ABCA3: variants seen among roughly 807,000 people sequenced by gnomAD.
ABCA3 encodes the protein phospholipid-transporting ATPase ABCA3.
In ABCA3, 88 loss-of-function variants were observed where a neutral mutation model predicts 172.8. The ratio of observed to expected loss-of-function variants is 0.51; its 90% confidence interval spans 0.43 to 0.61. The LOEUF (loss-of-function observed/expected upper bound fraction) is 0.61, where lower values mean the gene tolerates loss of function less well. Ranked by LOEUF, ABCA3 falls within the 20% of genes least tolerant of loss-of-function variation. ABCA3 has a pLI of 0.00. For missense variants in ABCA3, 2,164 were observed against 2,301.0 expected, an observed-to-expected ratio of 0.94 and a Z score of 1.22; for synonymous variants, 1,066 against 983.8, an observed-to-expected ratio of 1.08 and a Z score of -1.56.
rs11647731 is a variant in ABCA3 at position 2,298,819 on chromosome 16, G to A, written c.1742-279C>T. On this transcript the variant is annotated intron_variant, in intron 14 of 32. Coordinates refer to ENST00000301732, the MANE Select transcript of ABCA3 (RefSeq NM_001089.3). Reference sequence around the variant, plus strand: ...AGTCACCACAATCAGCCCCCGCCCCGGGTCCCAGCCTGTGCCACTGCCAGA... The same window carrying A: ...AGTCACCACAATCAGCCCCCGCCCCAGGTCCCAGCCTGTGCCACTGCCAGA... 1.9e-4 allele frequency among the ~76,000 whole-genome samples: 29 copies of A among 152,272 alleles called. No homozygotes were observed. In the East Asian group the frequency reaches 3.7e-3, roughly 19 times the overall value.
intron 10 of ABCA3, among the ~76,000 whole-genome samples, chr16:2,313,888 T>C (rs1300287626): frequency 2.1e-5 from 3 of 141,422 alleles, no homozygotes; most frequent in Non-Finnish European, 4.6e-5. Flanking sequence ...CGAGATTCCA[T>C]CTCAAAAAAA....
chr16:2,279,011 G>C lies in ABCA3; in HGVS notation c.4479C>G (p.Ala1493=). 6.2e-7 allele frequency: 1 copy of C among 1,613,554 alleles called. No homozygotes were observed. Among genetic ancestry groups the C allele is most frequent in the South Asian group, 1.1e-5 (1 of 91,082 alleles). ...GGCCCCGCAGAGTGTTCTCCACGCA[G>C]GCCCCGATGTGGCGCTCAGGGATGC... ...LRGIPERHIG[A]CVENTLRGLL... is the part of the protein sequence containing the mutation. Residue 1493 remains alanine, a synonymous_variant, in exon 29 of 33, where the codon GCC becomes GCG. Transcript: ENST00000301732. This position sits in a 1 kb window ranked among gnomAD's most constrained non-coding sequence, Gnocchi z 4.4.
At chr16:2,313,097 G>T (rs1405998042) in intron 10 of ABCA3, among the ~76,000 whole-genome samples, 1 of 152,036 alleles carries the variant, frequency 6.6e-6, no homozygotes, top group Non-Finnish European at 1.5e-5. Context: ...TTGTTTGTTT[G>T]TTTGCTTGCT....
rs373224846 is a variant in ABCA3, at chr16:2,289,607, C to A, written c.2527G>T (p.Val843Leu). ...GCCTGGATGTCCATACTGCTGTCCA[C>A]CAGCTTCCCGACCCTGTGCCGATAC... ...EEVFLRVGKL[V>L]DSSMDIQAIQ... is the part of the protein sequence containing the mutation. The change falls in exon 20 of 33, where the codon GTG (valine) becomes TTG (leucine). Residue 843 changes from valine to leucine, a missense_variant. By Grantham distance (32) the Val-to-Leu change is conservative (BLOSUM62 1). This residue lies in a region of ABCA3 where 1,343 missense variants were observed against 1,369.6 expected (regional missense o/e 0.98). Transcript: ENST00000301732. 3 of 1,551,308 alleles carry A rather than the reference C, an allele frequency of 1.9e-6. No individual in the cohort carries two copies. The African/African-American group carries it at 4.1e-5, about 21-fold the overall frequency.
chr16:2,311,585 C>T (rs770187418), intron 10 of ABCA3, among the ~76,000 whole-genome samples: 3 of 152,032 alleles, frequency 2.0e-5, no homozygotes, highest in East Asian at 1.9e-4. Context: ...TGCAGTGGCA[C>T]GATCTTGGCT....
chr16:2,290,088 G>C (rs1235410347), intron 19 of ABCA3, among the ~76,000 whole-genome samples: 1 of 151,890 alleles, frequency 6.6e-6, no homozygotes, highest in Non-Finnish European at 1.5e-5. Context: ...TAGCAACATT[G>C]TCAGGCCACA....
chr16:2,286,095 C>T lies in ABCA3; in HGVS notation c.3279-449G>A, dbSNP rs183318270. On this transcript the variant is annotated intron_variant, in intron 22 of 32. Transcript: ENST00000301732. This position sits in a 1 kb window ranked among gnomAD's most constrained non-coding sequence, Gnocchi z 5.2. ...GCAGGGATGGAGCCAGAAGCTGGGACGCAGCCATCGCCAGGCCTAGGCCTA... is the reference window on the plus strand; with the variant it reads ...GCAGGGATGGAGCCAGAAGCTGGGATGCAGCCATCGCCAGGCCTAGGCCTA... Among the ~76,000 whole-genome samples the T allele has an allele frequency of 8.5e-5, 13 of 152,310 alleles. No individual in the cohort carries two copies. Among genetic ancestry groups the T allele is most frequent in the African/African-American group, 2.2e-4 (9 of 41,574 alleles).
At chr16:2,340,514 G>A (rs2141757098) in intron 1 of ABCA3, 59 bp downstream of exon 1, 1 of 150,008 alleles carries the variant, frequency 6.7e-6, no homozygotes, top group African/African-American at 2.4e-5. Flanking sequence ...GGCGGACCCG[G>A]GTGGGGACCG....
Position 2,289,428 on chromosome 16 carries a change from A to G in ABCA3, c.2700+6T>C. The G allele has an allele frequency of 8.2e-7, 1 of 1,215,532 alleles. No homozygotes were observed. The allele number at this position is 1,215,532 out of a possible 1,614,324, so 75.3% of individuals were successfully genotyped here. A position where few individuals can be genotyped will look rare whatever the true frequency, so the allele number is the denominator to read the frequency against. On this transcript the variant is annotated splice_donor_region_variant and intron_variant, in intron 20 of 32. Transcript: ENST00000301732. ...CCGCCACCCGCCCACCCACCTGGGCACTCACCCCAGTGTTGAGCTTGACAG... is the reference window on the plus strand; with the variant it reads ...CCGCCACCCGCCCACCCACCTGGGCGCTCACCCCAGTGTTGAGCTTGACAG...
Position 2,285,979 on chromosome 16 carries a change from A to G in ABCA3, c.3279-333T>C, listed in dbSNP as rs2093662545. Among the ~76,000 whole-genome samples the G allele has an allele frequency of 6.6e-6, 1 of 152,140 alleles. No individual in the cohort carries two copies. Among genetic ancestry groups the G allele is most frequent in the Non-Finnish European group, 1.5e-5 (1 of 68,012 alleles). ...CCTCCTCCTGGAGTGTGGCAAAGGG[A>G]AAGCCTCTCCTGGCCTCTGTGTGTC... On this transcript the variant is annotated intron_variant, in intron 22 of 32. Transcript: ENST00000301732. This position sits in a 1 kb window ranked among gnomAD's most constrained non-coding sequence, Gnocchi z 4.7.
Position 2,281,272 on chromosome 16 carries a change from A to C in ABCA3, c.4165-51T>G, listed in dbSNP as rs754373928. The C allele has an allele frequency of 6.2e-7, 1 of 1,613,232 alleles. No individual in the cohort carries two copies. The highest frequency in any genetic ancestry group is 1.1e-5 in the South Asian group (1 of 91,080). ...GAATGCGGAGGCCTGGACGCAAAGC[A>C]GAGCAGTCTGAGCCTCAGCGCCGAA... On this transcript the variant is annotated intron_variant, in intron 27 of 32. Transcript: ENST00000301732. This position sits in a 1 kb window ranked among gnomAD's most constrained non-coding sequence, Gnocchi z 4.7.
chr16:2,318,679 A>G (rs1049994554), intron 8 of ABCA3, among the ~76,000 whole-genome samples: 12 of 151,610 alleles, frequency 7.9e-5, no homozygotes, highest in African/African-American at 2.9e-4. Context: ...CGCCTGGCTA[A>G]TTTTTGTATT....
Position 2,286,968 on chromosome 16 carries a change from C to G in ABCA3, c.3005-1G>C. Reference sequence around the variant, plus strand: ...AAGATCAAGAACTCCTCCAGGTCACCTGGGGAGCAATGGCAGAGTCAGGGG... The same window carrying G: ...AAGATCAAGAACTCCTCCAGGTCACGTGGGGAGCAATGGCAGAGTCAGGGG... On this transcript the variant is annotated splice_acceptor_variant, in intron 21 of 32. Transcript: ENST00000301732. LOFTEE classifies it high-confidence loss of function. This position sits in a 1 kb window ranked among gnomAD's most constrained non-coding sequence, Gnocchi z 5.2. 1.2e-6 allele frequency: 2 copies of G among 1,612,578 alleles called. No homozygotes were observed. The highest frequency in any genetic ancestry group is 1.7e-6 in the Non-Finnish European group (2 of 1,179,586).
At chr16:2,333,935 G>A (rs57652265) in intron 1 of ABCA3, among the ~76,000 whole-genome samples, 11,427 of 151,960 alleles carry the variant, frequency 0.075, 1,432 homozygotes, top group African/African-American at 0.26. Flanking sequence ...TGATCCACCC[G>A]CCTCAGCCTC....
At chr16:2,306,143 G>A (rs1802319110) in intron 11 of ABCA3, among the ~76,000 whole-genome samples, 1 of 152,038 alleles carries the variant, frequency 6.6e-6, no homozygotes, top group Admixed American at 6.6e-5. Context: ...CTTGAGGCCA[G>A]GAGTTTGAGA....
chr16:2,309,181 C>T (rs1243471478), intron 10 of ABCA3, among the ~76,000 whole-genome samples: 1 of 152,178 alleles, frequency 6.6e-6, no homozygotes. Flanking sequence ...CTCCTGACCT[C>T]GTGATCCACC....
chr16:2,327,727 C>T (rs1382651156), intron 3 of ABCA3, among the ~76,000 whole-genome samples: 1 of 152,000 alleles, frequency 6.6e-6, no homozygotes, highest in African/African-American at 2.4e-5. Context: ...TTTCTTTTTT[C>T]TGTTTTTTTT....
rs546951557 is a variant in ABCA3 at position 2,294,758 on chromosome 16, G to A, written c.2414+832C>T. Among the ~76,000 whole-genome samples the A allele has an allele frequency of 1.1e-4, 17 of 152,178 alleles. No individual in the cohort carries two copies. In the East Asian group the frequency reaches 3.3e-3, roughly 30 times the overall value. On this transcript the variant is annotated intron_variant, in intron 18 of 32. Transcript: ENST00000301732. ...AGCACTTTGGGAGGCCGAGGTGGGT[G>A]GATCACCTGAGGTCAGGAGTTTGAG...
intron 18 of ABCA3, 144 bp downstream of exon 18, chr16:2,295,446 T>G: frequency 7.9e-7 from 1 of 1,259,720 alleles, no homozygotes; most frequent in Non-Finnish European, 1.1e-6. Context: ...TCTGGGCTGA[T>G]GGTGCCCAGG....
Sources: gnomAD v4.1 joint callset for allele counts (sites outside exome capture counted in the v4.1 genomes callset) on GRCh38, gnomAD v4.1.1 for gene constraint, gnomAD v4.1.1 regional missense constraint, Gnocchi (gnomAD v3.1) non-coding constraint, MANE v1.5 for transcripts, NCBI Gene and HGNC (gene_info 2026-07-23, HGNC 2026-07-21) for gene names.